The following DPY19L3 variants were observed in gnomAD, a reference collection of about 807,000 sequenced individuals.
DPY19L3 encodes the protein dpy-19 like C-mannosyltransferase 3.
Under a neutral mutation model 92.3 loss-of-function variants are expected in DPY19L3, and 51 were observed. The ratio of observed to expected loss-of-function variants is 0.55; its 90% CI spans 0.44 to 0.70. DPY19L3 has a LOEUF of 0.70. Ranked by LOEUF, DPY19L3 falls within the 30% of genes least tolerant of loss-of-function variation. The pLI is 0.00. For synonymous variants in DPY19L3, 309 were observed against 315.2 expected (o/e 0.98, Z 0.21); for missense variants, 706 against 855.9 (o/e 0.82, Z 2.18).
rs1970269306 is a variant in DPY19L3 at position 32,468,801 on chromosome 19, T to C, written c.1685T>C (p.Met562Thr). ...TATGATCCAGATACAGTGGAGCTGATGAACTGGATTAAGTAAGAGGATTTT... is the reference window on the plus strand; with the variant it reads ...TATGATCCAGATACAGTGGAGCTGACGAACTGGATTAAGTAAGAGGATTTT... ...EFYDPDTVEL[M>T]NWINSNTPRK... The change falls in exon 16 of 19, where the codon ATG becomes ACG. Residue 562 changes from methionine (M) to threonine (T), a missense_variant. By Grantham distance (81) the Met-to-Thr change is moderately conservative (BLOSUM62 -1). Coordinates refer to ENST00000392250, the MANE Select transcript of DPY19L3 (RefSeq NM_001172774.2). 1 of 1,613,640 alleles carries C rather than the reference T, an allele frequency of 6.2e-7. No individual in the cohort carries two copies.
intron 3 of DPY19L3, chr19:32,412,939 A>G (rs981821784): frequency 3.3e-5 from 5 of 152,100 alleles, no homozygotes; most frequent in African/African-American, 1.2e-4. Flanking sequence ...CAAAAAAAAA[A>G]AGAAAAAAGT....
chr19:32,405,938 G>C (rs959041929), intron 1 of DPY19L3, 29 bp downstream of exon 1: 1 of 151,622 alleles, frequency 6.6e-6, no homozygotes, highest in Admixed American at 6.6e-5. Flanking sequence ...GGACGCGCGG[G>C]CGAGGGTCTA....
At chr19:32,460,539 T>C (rs1970005098) in intron 12 of DPY19L3, among the ~76,000 whole-genome samples, 1 of 152,232 alleles carries the variant, frequency 6.6e-6, no homozygotes, top group Admixed American at 6.5e-5. Flanking sequence ...AGGCCTAGGA[T>C]GTTACCATAC....
intron 16 of DPY19L3, among the ~76,000 whole-genome samples, chr19:32,473,620 C>CT: frequency 6.6e-6 from 1 of 152,302 alleles, no homozygotes; most frequent in Non-Finnish European, 1.5e-5. Flanking sequence ...TTTTGTTCCA[C>CT]TTTGCTTGTA....
At chr19:32,440,350 A>T (rs1349694441) in intron 8 of DPY19L3, among the ~76,000 whole-genome samples, 1 of 152,234 alleles carries the variant, frequency 6.6e-6, no homozygotes, top group South Asian at 2.1e-4. Context: ...GCTGAAAGTC[A>T]CATGTGAAAT....
chr19:32,431,156 G>A (rs1487509253), intron 3 of DPY19L3, among the ~76,000 whole-genome samples: 1 of 152,148 alleles, frequency 6.6e-6, no homozygotes, highest in East Asian at 1.9e-4. Flanking sequence ...GAGGCAGATG[G>A]ATCACCTGAG....
chr19:32,440,998 T>C (rs1220031858), intron 8 of DPY19L3, among the ~76,000 whole-genome samples: 1 of 152,144 alleles, frequency 6.6e-6, no homozygotes, highest in South Asian at 2.1e-4. Context: ...TTTATATATG[T>C]ATATGAAATG....
At chr19:32,470,051 C>G (rs1399425853) in intron 16 of DPY19L3, among the ~76,000 whole-genome samples, 2 of 152,168 alleles carry the variant, frequency 1.3e-5, no homozygotes, top group Non-Finnish European at 2.9e-5. Context: ...TGAGGCCTCC[C>G]TAGGGCAACG....
At position 32,485,149 on chromosome 19, in the gene DPY19L3, T is replaced by G. The variant is rs1970765934; in HGVS notation, c.*2909T>G. 6.6e-6 allele frequency: 1 copy of G among 152,222 alleles called. No homozygotes were observed. Among genetic ancestry groups the G allele is most frequent in the Non-Finnish European group, 1.5e-5 (1 of 68,040 alleles). 9.4% of individuals were successfully genotyped at this position (152,222 alleles called of 1,614,324 possible). A position where few individuals can be genotyped will look rare whatever the true frequency, so the allele number is the denominator to read the frequency against. On this transcript the variant is annotated 3_prime_UTR_variant, in exon 19 of 19. Transcript: ENST00000392250. ...GCAAACGAATGTATATTACACAGTT[T>G]AGGTTATGATTCCCTACTTTAACCT...
chr19:32,413,513 A>T (rs1968266744), intron 3 of DPY19L3, among the ~76,000 whole-genome samples: 1 of 151,648 alleles, frequency 6.6e-6, no homozygotes, highest in African/African-American at 2.4e-5. Flanking sequence ...GGTTAGTTAC[A>T]TATGTATACA....
chr19:32,453,184 C>T lies in DPY19L3; in HGVS notation c.895C>T (p.Leu299=), dbSNP rs1433848457. The T allele has an allele frequency of 6.2e-7, 1 of 1,614,096 alleles. No individual in the cohort carries two copies. The highest frequency in any genetic ancestry group is 1.7e-5 in the Admixed American group (1 of 60,018). Residue 299 remains leucine (L), a synonymous_variant, in exon 9 of 19, where the codon CTG becomes TTG. Coordinates refer to ENST00000392250, the MANE Select transcript of DPY19L3 (RefSeq NM_001172774.2). ...TGGAATACAGATAACAAGTTTACTC[C>T]TGGTCTGCATTCTTCAGTTTTTTAA... ...LYGIQITSLL[L]VCILQFFNSM...
chr19:32,451,457 CCT>C, intron 8 of DPY19L3, among the ~76,000 whole-genome samples: 1 of 152,202 alleles, frequency 6.6e-6, no homozygotes, highest in Middle Eastern at 3.4e-3. Context: ...CATCCATTTC[CCT>C]GAGTTCCCAT....
chr19:32,418,948 T>A (rs888844598), intron 3 of DPY19L3, among the ~76,000 whole-genome samples: 1 of 152,158 alleles, frequency 6.6e-6, no homozygotes, highest in African/African-American at 2.4e-5. Context: ...GAAAAGATAC[T>A]GGTTTCATAT....
intron 15 of DPY19L3, among the ~76,000 whole-genome samples, chr19:32,465,434 A>G (rs1482063560): frequency 6.6e-6 from 1 of 152,262 alleles, no homozygotes; most frequent in African/African-American, 2.4e-5. Flanking sequence ...ACTAGGGCAG[A>G]TAGCACAGAC....
chr19:32,447,720 C>CATAGATAGATAG (rs56116714), intron 8 of DPY19L3, among the ~76,000 whole-genome samples: 591 of 131,718 alleles, frequency 4.5e-3, no homozygotes, highest in Middle Eastern at 7.4e-3. Flanking sequence ...CCGTCTCATT[C>CATAGATAGATAG]ATAGATAGAT....
intron 14 of DPY19L3, among the ~76,000 whole-genome samples, 196 bp from the exon 15 acceptor site, chr19:32,464,532 T>G (rs1970142689): frequency 6.6e-6 from 1 of 152,154 alleles, no homozygotes; most frequent in Non-Finnish European, 1.5e-5. Flanking sequence ...AAAGCAAAAC[T>G]GTAAGGCAGA....
At chr19:32,433,321 C>T (rs976269494) in intron 4 of DPY19L3, among the ~76,000 whole-genome samples, 3 of 152,196 alleles carry the variant, frequency 2.0e-5, no homozygotes, top group Non-Finnish European at 4.4e-5. Flanking sequence ...CATACTTGAT[C>T]GGCTTAGCAT....
intron 8 of DPY19L3, 77 bp from the exon 9 acceptor site, chr19:32,453,068 A>C: frequency 6.5e-7 from 1 of 1,531,544 alleles, no homozygotes; most frequent in Middle Eastern, 1.8e-4. Flanking sequence ...AGGTGTATCC[A>C]CCTCATGACC....
intron 3 of DPY19L3, among the ~76,000 whole-genome samples, chr19:32,414,791 G>C (rs376072783): frequency 2.6e-5 from 4 of 152,282 alleles, no homozygotes; most frequent in Admixed American, 6.5e-5. Context: ...ATTAAGTGTA[G>C]CTCTTTAATT....
Sources: gnomAD v4.1 joint callset for allele counts (sites outside exome capture counted in the v4.1 genomes callset) on GRCh38, gnomAD v4.1.1 for gene constraint, MANE v1.5 for transcripts, NCBI Gene and HGNC (gene_info 2026-07-23, HGNC 2026-07-21) for gene names.